PDGFC: variants seen among roughly 807,000 people sequenced by gnomAD.
PDGFC encodes the protein platelet derived growth factor C, also known as platelet-derived growth factor C.
A neutral mutation model predicts 35.5 loss-of-function variants in PDGFC; 12 were observed. The observed-to-expected ratio is 0.34, with a 90% CI of 0.22 to 0.55. The LOEUF is 0.55. Among genes scored for constraint, PDGFC ranks in the 20% least tolerant of loss-of-function variants. The pLI is 0.91. For missense variants in PDGFC, 322 were observed against 412.4 expected (o/e 0.78, Z 1.90); for synonymous variants, 159 against 148.8 (o/e 1.07, Z -0.50).
At chr4:156,898,633 G>A (rs1730690984) in intron 1 of PDGFC, among the ~76,000 whole-genome samples, 1 of 117,474 alleles carries the variant, frequency 8.5e-6, no homozygotes, top group African/African-American at 3.2e-5. Flanking sequence ...GATAATAGAA[G>A]CTTCCATTTT....
intron 2 of PDGFC, among the ~76,000 whole-genome samples, chr4:156,815,547 T>A (rs1466210680): frequency 1.3e-5 from 2 of 152,150 alleles, no homozygotes. Flanking sequence ...TTGGCTGATA[T>A]ATGCTAACAT....
intron 3 of PDGFC, among the ~76,000 whole-genome samples, chr4:156,797,824 A>C (rs1035660714): frequency 6.6e-6 from 1 of 152,160 alleles, no homozygotes. Flanking sequence ...ACAAGAGTAG[A>C]TTACAGTCTG....
chr4:156,964,217 G>A (rs1057022114), intron 1 of PDGFC, among the ~76,000 whole-genome samples: 3 of 151,522 alleles, frequency 2.0e-5, no homozygotes, highest in African/African-American at 4.8e-5. Flanking sequence ...GCATGCCAAT[G>A]TCAGCCATAT....
chr4:156,771,723 C>T (rs560027812), intron 4 of PDGFC, among the ~76,000 whole-genome samples: 28 of 152,256 alleles, frequency 1.8e-4, no homozygotes, highest in Middle Eastern at 3.4e-3. Flanking sequence ...TTTAGAAGAG[C>T]AAGTCTGGTG....
intron 1 of PDGFC, among the ~76,000 whole-genome samples, chr4:156,859,120 G>T (rs187067727): frequency 5.2e-4 from 79 of 152,100 alleles, no homozygotes; most frequent in Middle Eastern, 3.4e-3. Context: ...ATATTTAAAA[G>T]ATACTTAAAA....
At chr4:156,941,507 A>T (rs1240961461) in intron 1 of PDGFC, among the ~76,000 whole-genome samples, 1 of 152,216 alleles carries the variant, frequency 6.6e-6, no homozygotes, top group Non-Finnish European at 1.5e-5. Flanking sequence ...AAGGTGGTTT[A>T]TCATTAGCTT....
At chr4:156,966,697 A>C (rs1240089655) in intron 1 of PDGFC, among the ~76,000 whole-genome samples, 1 of 152,174 alleles carries the variant, frequency 6.6e-6, no homozygotes, top group Non-Finnish European at 1.5e-5. Flanking sequence ...CCTGAGACAG[A>C]ACTAGAGGTC....
chr4:156,933,672 CA>C (rs1731606002), intron 1 of PDGFC, among the ~76,000 whole-genome samples: 1 of 152,140 alleles, frequency 6.6e-6, no homozygotes, highest in Admixed American at 6.5e-5. Context: ...AATCTTATCT[CA>C]AATTGTAATC....
At position 156,850,430 on chromosome 4, in the gene PDGFC, C is replaced by T. The variant is rs779693221; in HGVS notation, c.119-14G>A. ...GATCTTGTACTCCTAAAGCAAAAAA[C>T]ATAGACATAGACATACATTTAGATT... On this transcript the variant is annotated splice_polypyrimidine_tract_variant and intron_variant, in intron 1 of 5. Coordinates refer to ENST00000502773, the MANE Select transcript of PDGFC (RefSeq NM_016205.3). 90 of 1,418,122 alleles carry T rather than the reference C, an allele frequency of 6.3e-5. 1 individual carries two copies. The South Asian group carries it at 1.1e-3, about 17-fold the overall frequency. 87.8% of individuals were successfully genotyped at this position (1,418,122 alleles called of 1,614,324 possible).
intron 1 of PDGFC, among the ~76,000 whole-genome samples, chr4:156,927,284 G>A (rs1242097029): frequency 1.3e-5 from 2 of 152,118 alleles, no homozygotes; most frequent in East Asian, 3.9e-4. Flanking sequence ...GACATGCCCT[G>A]GAGACATTTT....
chr4:156,789,942 A>T (rs1297177887), intron 3 of PDGFC, among the ~76,000 whole-genome samples: 4 of 138,732 alleles, frequency 2.9e-5, no homozygotes, highest in Non-Finnish European at 6.0e-5. Flanking sequence ...ATGCCACGGT[A>T]CTCCAGCCTG....
At chr4:156,786,747 A>C (rs1384095276) in intron 3 of PDGFC, among the ~76,000 whole-genome samples, 4 of 152,204 alleles carry the variant, frequency 2.6e-5, no homozygotes, top group Non-Finnish European at 4.4e-5. Context: ...CAAAATTATA[A>C]AATCATTCAT....
At chr4:156,831,198 A>T (rs1190319538) in intron 2 of PDGFC, among the ~76,000 whole-genome samples, 1 of 152,210 alleles carries the variant, frequency 6.6e-6, no homozygotes, top group Non-Finnish European at 1.5e-5. Flanking sequence ...TAGGCAATCG[A>T]CTAGTCAAAA....
rs184192933 is a variant in PDGFC at position 156,911,075 on chromosome 4, T to C, written c.118+59711A>G. The stretch of plus-strand genomic sequence containing the variant: ...AGCCAAATTTACCAGTCATTCCTTT[T>C]GTGGGGTGTGCTTTTGGGATCATAT... On this transcript the variant is annotated intron_variant, in intron 1 of 5. Coordinates refer to ENST00000502773, the MANE Select transcript of PDGFC (RefSeq NM_016205.3). Among the ~76,000 whole-genome samples, 29 of 152,272 alleles carry C rather than the reference T, an allele frequency of 1.9e-4. No individual in the cohort carries two copies. In the East Asian group the frequency reaches 5.2e-3, roughly 27 times the overall value.
chr4:156,905,482 G>C (rs1730894663), intron 1 of PDGFC, among the ~76,000 whole-genome samples: 1 of 151,960 alleles, frequency 6.6e-6, no homozygotes, highest in Non-Finnish European at 1.5e-5. Context: ...CATGACTCAA[G>C]GAGATTAATA....
chr4:156,968,505 CAAAA>C (rs1355594573), intron 1 of PDGFC, among the ~76,000 whole-genome samples: 1 of 151,980 alleles, frequency 6.6e-6, no homozygotes, highest in Non-Finnish European at 1.5e-5. Flanking sequence ...ATTTGAAAGA[CAAAA>C]AGAAGAAGAA....
chr4:156,779,755 C>T (rs778874066), intron 3 of PDGFC, among the ~76,000 whole-genome samples: 3 of 152,154 alleles, frequency 2.0e-5, no homozygotes, highest in African/African-American at 7.2e-5. Context: ...TCACTTTTCC[C>T]GTCATCATGA....
At chr4:156,810,151 TA>T (rs146354418) in intron 3 of PDGFC, among the ~76,000 whole-genome samples, 9,522 of 151,922 alleles carry the variant, frequency 0.063, 395 homozygotes, top group Middle Eastern at 0.12. Context: ...CATCTTTGTC[TA>T]TCATTAACAT....
chr4:156,834,922 GC>G (rs1729027482), intron 2 of PDGFC, among the ~76,000 whole-genome samples: 1 of 148,822 alleles, frequency 6.7e-6, no homozygotes, highest in African/African-American at 2.5e-5. Flanking sequence ...TCTGAAAATG[GC>G]AAAAAAAAAA....
Sources: gnomAD v4.1 joint callset for allele counts (sites outside exome capture counted in the v4.1 genomes callset) on GRCh38, gnomAD v4.1.1 for gene constraint, MANE v1.5 for transcripts, NCBI Gene and HGNC (gene_info 2026-07-23, HGNC 2026-07-21) for gene names.